Variants in RNF32 observed in about 807,000 individuals in gnomAD.
RNF32 encodes ring finger protein 32.
RNF32 carries 36 observed loss-of-function variants against 41.0 expected under a neutral mutation model. That is an observed-to-expected ratio of 0.88 (90% CI 0.67 to 1.16). The LOEUF is 1.16. RNF32 is among the 50% of genes most tolerant of loss of function. The probability of loss-of-function intolerance (pLI) is 0.00; values close to 1 mark genes in which losing one functional copy is unlikely to be tolerated. For missense variants in RNF32, 413 were observed against 436.7 expected, an observed-to-expected ratio of 0.95 and a Z score of 0.48; for synonymous variants, 154 against 160.9, an observed-to-expected ratio of 0.96 and a Z score of 0.32.
chr7:156,665,975 C>G (rs764537103), intron 7 of RNF32, among the ~76,000 whole-genome samples: 1 of 152,242 alleles, frequency 6.6e-6, no homozygotes, highest in Admixed American at 6.5e-5. Context: ...ACATATTTCA[C>G]TCCACTGAAT....
chr7:156,642,587 AT>A (rs1246128967), intron 1 of RNF32, among the ~76,000 whole-genome samples: 1 of 152,190 alleles, frequency 6.6e-6, no homozygotes, highest in Non-Finnish European at 1.5e-5. Context: ...TTTGACAATA[AT>A]TTGTATCCTT....
intron 7 of RNF32, among the ~76,000 whole-genome samples, chr7:156,665,389 T>G (rs1295839814): frequency 1.3e-5 from 2 of 152,206 alleles, no homozygotes; most frequent in African/African-American, 4.8e-5. Context: ...GGTTTGAATT[T>G]TAGAAACTGG....
At chr7:156,673,668 G>A (rs1803110075) in intron 7 of RNF32, among the ~76,000 whole-genome samples, 1 of 152,150 alleles carries the variant, frequency 6.6e-6, no homozygotes. Context: ...ACTGCCTGCT[G>A]TGTTCACAGA....
Position 156,676,569 on chromosome 7 carries a change from G to C in RNF32, c.1003G>C (p.Glu335Gln), listed in dbSNP as rs1392132029. ...VFHHACLLAL[E>Q]EFSVGDRPPF... ...CCACCATGCGTGTCTGCTGGCACTA[G>C]AGGAGTTCTCCGTGGGAGACAGGCC... The change falls in exon 9 of 9, where the codon GAG becomes CAG. Residue 335 changes from glutamate to glutamine, a missense_variant. Transcript: ENST00000317955. The C allele has an allele frequency of 2.5e-6, 4 of 1,614,230 alleles. No homozygotes were observed. The highest frequency in any genetic ancestry group is 3.4e-6 in the Non-Finnish European group (4 of 1,180,034).
intron 3 of RNF32, among the ~76,000 whole-genome samples, chr7:156,645,731 C>A (rs1169478080): frequency 6.6e-6 from 1 of 152,098 alleles, no homozygotes; most frequent in Non-Finnish European, 1.5e-5. Context: ...TAAGAACATA[C>A]GATAATATTT....
chr7:156,663,057 A>T (rs1800871075), intron 7 of RNF32, among the ~76,000 whole-genome samples: 1 of 151,900 alleles, frequency 6.6e-6, no homozygotes, highest in South Asian at 2.1e-4. Flanking sequence ...GATGGTCTCG[A>T]TCTCCTGATC....
At chr7:156,648,673 A>G (rs1798302035) in intron 3 of RNF32, among the ~76,000 whole-genome samples, 2 of 152,226 alleles carry the variant, frequency 1.3e-5, no homozygotes, top group South Asian at 2.1e-4. Flanking sequence ...CTGTCTATAC[A>G]TAATATTCCA....
intron 3 of RNF32, among the ~76,000 whole-genome samples, chr7:156,649,032 G>A (rs941150542): frequency 2.0e-5 from 3 of 152,050 alleles, no homozygotes; most frequent in Non-Finnish European, 2.9e-5. Context: ...TGGGAAAATC[G>A]ACGAGATTAA....
chr7:156,657,323 GTGTT>G (rs952564002), intron 4 of RNF32: 4 of 565,648 alleles, frequency 7.1e-6, no homozygotes, highest in Non-Finnish European at 1.3e-5. Context: ...CAAACTTCAT[GTGTT>G]TATTTGATAT....
At chr7:156,663,529 T>C (rs1800938522) in intron 7 of RNF32, among the ~76,000 whole-genome samples, 1 of 152,228 alleles carries the variant, frequency 6.6e-6, no homozygotes, top group Admixed American at 6.5e-5. Flanking sequence ...TTACTTTATA[T>C]AAATTTAATG....
chr7:156,653,175 T>C (rs184195209), intron 3 of RNF32, among the ~76,000 whole-genome samples: 15 of 152,258 alleles, frequency 9.9e-5, no homozygotes, highest in Admixed American at 9.8e-4. Flanking sequence ...TACACCATTT[T>C]TAATCTTTTA....
At chr7:156,654,958 A>T (rs1799375181) in intron 4 of RNF32, 1 of 358,740 alleles carries the variant, frequency 2.8e-6, no homozygotes, top group Non-Finnish European at 5.1e-6. Context: ...TACAAAAGGA[A>T]TGTTTCTGTT....
chr7:156,652,970 G>C (rs1278232378), intron 3 of RNF32, among the ~76,000 whole-genome samples: 1 of 152,098 alleles, frequency 6.6e-6, no homozygotes, highest in Non-Finnish European at 1.5e-5. Context: ...GTTATAGGAA[G>C]CTAACTTTAA....
chr7:156,676,088 C>T (rs1166110376), intron 8 of RNF32, among the ~76,000 whole-genome samples: 1 of 151,812 alleles, frequency 6.6e-6, no homozygotes, highest in Non-Finnish European at 1.5e-5. Context: ...GCCCTAGCTG[C>T]CCCTGCACCT....
At chr7:156,657,331 TTGATA>T (rs1799853386) in intron 4 of RNF32, 2 of 576,538 alleles carry the variant, frequency 3.5e-6, no homozygotes, top group South Asian at 4.4e-5. Flanking sequence ...ATGTGTTTAT[TTGATA>T]TTTCAGATCA....
intron 7 of RNF32, among the ~76,000 whole-genome samples, chr7:156,662,975 G>A (rs1204477911): frequency 6.6e-6 from 1 of 151,446 alleles, no homozygotes; most frequent in Non-Finnish European, 1.5e-5. Flanking sequence ...AGCCTCCCAA[G>A]TAGCTGGGAC....
intron 3 of RNF32, among the ~76,000 whole-genome samples, chr7:156,653,980 T>C (rs1262969433): frequency 6.6e-6 from 1 of 152,180 alleles, no homozygotes; most frequent in East Asian, 1.9e-4. Context: ...TTTTCTTTCA[T>C]AAACTTGGAT....
In RNF32 at chr7:156,646,459, C is replaced by T. The variant is rs1333031382; in HGVS notation, c.274+1702C>T. 7 of 1,303,058 alleles carry T rather than the reference C, an allele frequency of 5.4e-6. No individual in the cohort carries two copies. In the East Asian group the frequency reaches 2.8e-4, roughly 52 times the overall value. 80.7% of individuals were successfully genotyped at this position (1,303,058 alleles called of 1,614,324 possible). On this transcript the variant is annotated intron_variant, in intron 3 of 8. Transcript: ENST00000317955. ...CCCTTTCCTCTTCTTATAAGGATACCATTCATAGGATGTACAGCCAACTTT... is the reference window on the plus strand; with the variant it reads ...CCCTTTCCTCTTCTTATAAGGATACTATTCATAGGATGTACAGCCAACTTT...
In RNF32 at chr7:156,643,828, T is replaced by C. The variant is rs199589454; in HGVS notation, c.-50T>C. The C allele has an allele frequency of 7.7e-6, 12 of 1,558,570 alleles. No homozygotes were observed. In the South Asian group the frequency reaches 1.3e-4, roughly 17 times the overall value. ...GAAGAATAGAAGGAAGGTGATAGGA[T>C]GTGATGATAGAATTTGTGATAGCCA... On this transcript the variant is annotated 5_prime_UTR_variant, in exon 2 of 9. An upstream start codon of the reference 5' UTR is lost. Transcript: ENST00000317955.
Sources: allele counts gnomAD v4.1 joint callset (sites outside exome capture counted in the v4.1 genomes callset), GRCh38; gene constraint gnomAD v4.1.1; transcripts MANE v1.5; gene names NCBI Gene and HGNC (gene_info 2026-07-23, HGNC 2026-07-21).